The following MB21D2 variants were observed in gnomAD, a reference collection of about 807,000 sequenced individuals.
MB21D2 encodes Mab-21 domain containing 2.
In MB21D2, 9 loss-of-function variants were observed where a neutral mutation model predicts 33.3. The ratio of observed to expected loss-of-function variants is 0.27; its 90% CI spans 0.16 to 0.47. The LOEUF (loss-of-function observed/expected upper bound fraction) is 0.47. Ranked by LOEUF, MB21D2 falls within the 20% of genes least tolerant of loss-of-function variation. The pLI, the probability that MB21D2 is intolerant of heterozygous loss-of-function variation, is 0.99. For missense variants in MB21D2, 540 were observed against 624.6 expected, an observed-to-expected ratio of 0.86 and a Z score of 1.44; for synonymous variants, 241 against 236.3, an observed-to-expected ratio of 1.02 and a Z score of -0.18.
intron 1 of MB21D2, among the ~76,000 whole-genome samples, chr3:192,807,217 T>C (rs544403471): frequency 6.6e-6 from 1 of 151,798 alleles, no homozygotes; most frequent in Non-Finnish European, 1.5e-5. Flanking sequence ...CAAGACCCAA[T>C]AGAGAGTCTT....
At chr3:192,840,101 T>C (rs1712533823) in intron 1 of MB21D2, among the ~76,000 whole-genome samples, 1 of 152,198 alleles carries the variant, frequency 6.6e-6, no homozygotes, top group Non-Finnish European at 1.5e-5. Context: ...CAAAAAGAGA[T>C]ATCTTTAGCC....
At chr3:192,915,262 A>G (rs1235411008) in intron 1 of MB21D2, among the ~76,000 whole-genome samples, 1 of 152,208 alleles carries the variant, frequency 6.6e-6, no homozygotes, top group African/African-American at 2.4e-5. Context: ...CTTCATTTGC[A>G]TAGTCATCAA....
chr3:192,823,381 C>T (rs1399165115), intron 1 of MB21D2, among the ~76,000 whole-genome samples: 4 of 152,148 alleles, frequency 2.6e-5, no homozygotes, highest in Middle Eastern at 3.2e-3. Flanking sequence ...TGGCTGGGCA[C>T]GGTGGCTCAT....
At chr3:192,854,631 C>A (rs900531352) in intron 1 of MB21D2, among the ~76,000 whole-genome samples, 9 of 152,222 alleles carry the variant, frequency 5.9e-5, no homozygotes, top group African/African-American at 2.2e-4. Flanking sequence ...GATGTCAATG[C>A]AACTTCCATA....
At chr3:192,839,904 G>T (rs1712530319) in intron 1 of MB21D2, among the ~76,000 whole-genome samples, 1 of 150,744 alleles carries the variant, frequency 6.6e-6, no homozygotes, top group Admixed American at 6.6e-5. Context: ...TTTTTAAAGA[G>T]ATTCAAAAAA....
intron 1 of MB21D2, among the ~76,000 whole-genome samples, chr3:192,907,982 A>C (rs1384243481): frequency 6.6e-6 from 1 of 152,216 alleles, no homozygotes; most frequent in Non-Finnish European, 1.5e-5. Flanking sequence ...TGCTGTTCCC[A>C]GTCAACAAGC....
intron 1 of MB21D2, among the ~76,000 whole-genome samples, chr3:192,840,489 C>A (rs994804060): frequency 8.1e-6 from 1 of 123,882 alleles, no homozygotes; most frequent in African/African-American, 3.2e-5. Context: ...ATCCAGAGAG[C>A]GTTATTGGGA....
rs116237554 is a variant in MB21D2 at position 192,828,250 on chromosome 3, C to A, written c.212-28600G>T. Among the ~76,000 whole-genome samples the A allele has an allele frequency of 9.1e-3, 1,386 of 151,956 alleles. 25 individuals carry two copies. Among genetic ancestry groups the A allele is most frequent in the African/African-American group, 0.031 (1,300 of 41,380 alleles). ...ATTTGTTTTATTTTCTAATTAGGAG[C>A]CCTCCAGCCAAATTATAGGTCAACA... On this transcript the variant is annotated intron_variant, in intron 1 of 1. Transcript: ENST00000392452.
At chr3:192,863,740 A>C (rs544137905) in intron 1 of MB21D2, among the ~76,000 whole-genome samples, 1 of 152,286 alleles carries the variant, frequency 6.6e-6, no homozygotes, top group Admixed American at 6.5e-5. Context: ...GTAAGAGCAG[A>C]GCCCTCATGA....
chr3:192,853,914 A>G (rs536003778), intron 1 of MB21D2, among the ~76,000 whole-genome samples: 127 of 152,246 alleles, frequency 8.3e-4, no homozygotes, highest in African/African-American at 2.9e-3. Flanking sequence ...TACTATTGTA[A>G]TTGTCTTGGG....
chr3:192,872,451 C>T (rs1713327540), intron 1 of MB21D2, among the ~76,000 whole-genome samples: 1 of 151,618 alleles, frequency 6.6e-6, no homozygotes. Flanking sequence ...TGGCGAGCGC[C>T]TGTAGTCCCA....
At chr3:192,829,203 C>T (rs1712259542) in intron 1 of MB21D2, among the ~76,000 whole-genome samples, 2 of 152,182 alleles carry the variant, frequency 1.3e-5, no homozygotes, top group Admixed American at 6.5e-5. Flanking sequence ...TAGCATGATG[C>T]TTTTAAAGTT....
intron 1 of MB21D2, among the ~76,000 whole-genome samples, chr3:192,880,684 G>A (rs1046694688): frequency 6.6e-6 from 1 of 152,116 alleles, no homozygotes; most frequent in Non-Finnish European, 1.5e-5. Context: ...TGCACCACCT[G>A]TAACTGTCAG....
intron 1 of MB21D2, among the ~76,000 whole-genome samples, chr3:192,871,811 T>C (rs759532153): frequency 1.3e-5 from 2 of 149,606 alleles, no homozygotes; most frequent in Non-Finnish European, 3.0e-5. Flanking sequence ...CAGAGGGGAG[T>C]GACATGATGG....
intron 1 of MB21D2, among the ~76,000 whole-genome samples, chr3:192,859,591 T>G (rs1450717127): frequency 1.3e-5 from 2 of 151,922 alleles, no homozygotes; most frequent in African/African-American, 4.9e-5. Flanking sequence ...CTCTGAGCAA[T>G]GATCTGTGTG....
intron 1 of MB21D2, among the ~76,000 whole-genome samples, chr3:192,845,817 G>A (rs1712669793): frequency 6.6e-6 from 1 of 152,202 alleles, no homozygotes; most frequent in South Asian, 2.1e-4. Context: ...GGTGGCTCAT[G>A]CCTATAGTCC....
At chr3:192,888,163 T>A (rs781720713) in intron 1 of MB21D2, among the ~76,000 whole-genome samples, 5 of 152,012 alleles carry the variant, frequency 3.3e-5, no homozygotes, top group African/African-American at 1.2e-4. Context: ...ATGGAGAGCA[T>A]CATACAAAAA....
intron 1 of MB21D2, among the ~76,000 whole-genome samples, chr3:192,872,652 C>T (rs563571485): frequency 2.4e-4 from 36 of 151,998 alleles, no homozygotes; most frequent in Non-Finnish European, 4.0e-4. Context: ...TCATGGATGA[C>T]GGTAATGTTC....
At chr3:192,910,445 T>C (rs1320806771) in intron 1 of MB21D2, among the ~76,000 whole-genome samples, 1 of 151,992 alleles carries the variant, frequency 6.6e-6, no homozygotes, top group Non-Finnish European at 1.5e-5. Context: ...ATCATTGCAC[T>C]CCAGCCTGGG....
Sources: allele counts gnomAD v4.1 joint callset (sites outside exome capture counted in the v4.1 genomes callset), GRCh38; gene constraint gnomAD v4.1.1; transcripts MANE v1.5; gene names NCBI Gene and HGNC (gene_info 2026-07-23, HGNC 2026-07-21).